Variants in CEACAM3 observed in about 807,000 individuals in gnomAD.
CEACAM3 encodes the protein CEA cell adhesion molecule 3, also known as cell adhesion molecule CEACAM3.
A neutral mutation model predicts 30.1 loss-of-function variants in CEACAM3; 32 were observed. The observed-to-expected ratio is 1.06, with a 90% CI of 0.80 to 1.43. The LOEUF (loss-of-function observed/expected upper bound fraction) is 1.43. Ranked by LOEUF, CEACAM3 falls within the 40% of genes most tolerant of loss-of-function variation. CEACAM3 has a pLI of 0.00. For missense variants in CEACAM3, 290 were observed against 316.3 expected (o/e 0.92, Z 0.63); for synonymous variants, 134 against 127.2 (o/e 1.05, Z -0.36).
intron 4 of CEACAM3, 119 bp from the exon 5 acceptor site, chr19:41,810,204 G>A (rs1440577363): frequency 7.2e-7 from 1 of 1,394,264 alleles, no homozygotes; most frequent in East Asian, 2.4e-5. Context: ...CTGGGTCATG[G>A]GTCACCTCCC....
chr19:41,800,789 C>A (rs1037650418), intron 2 of CEACAM3, among the ~76,000 whole-genome samples: 1 of 152,176 alleles, frequency 6.6e-6, no homozygotes, highest in Non-Finnish European at 1.5e-5. Flanking sequence ...ACACTCTTTA[C>A]CCTCCCCCTT....
chr19:41,810,896 A>C lies in CEACAM3; in HGVS notation c.692A>C (p.Glu231Ala), dbSNP rs782779270. ...PNPRTAASIYEELLKHDTNIY... is the reference protein window; with the variant it reads ...PNPRTAASIYAELLKHDTNIY... Reference sequence around the variant, plus strand: ...CCCAGGACAGCAGCTTCCATCTATGAGGTGAGTGTGGGCCACGGATGTTCT... The same window carrying C: ...CCCAGGACAGCAGCTTCCATCTATGCGGTGAGTGTGGGCCACGGATGTTCT... Residue 231 changes from glutamate to alanine, a missense_variant and splice_region_variant, in exon 6 of 7, where the codon GAG becomes GCG. Transcript: ENST00000357396. 1 of 1,613,376 alleles carries C rather than the reference A, an allele frequency of 6.2e-7. No homozygotes were observed. The highest frequency in any genetic ancestry group is 1.7e-5 in the Admixed American group (1 of 59,842).
At chr19:41,808,055 C>A (rs1458272451) in intron 2 of CEACAM3, among the ~76,000 whole-genome samples, 1 of 152,154 alleles carries the variant, frequency 6.6e-6, no homozygotes, top group African/African-American at 2.4e-5. Context: ...GAGCATAGGC[C>A]CTGAGCCCTG....
At chr19:41,802,604 G>A (rs1555826131) in intron 2 of CEACAM3, among the ~76,000 whole-genome samples, 2 of 152,178 alleles carry the variant, frequency 1.3e-5, no homozygotes, top group Non-Finnish European at 2.9e-5. Context: ...TTGGGGCTGG[G>A]ACAAGGAGGG....
chr19:41,805,311 G>C (rs34080487), intron 2 of CEACAM3, among the ~76,000 whole-genome samples: 1 of 83,356 alleles, frequency 1.2e-5, no homozygotes, highest in Non-Finnish European at 2.3e-5. Flanking sequence ...TTTTTTTTTA[G>C]ATAGAGTTTT....
At chr19:41,804,058 G>C (rs548732560) in intron 2 of CEACAM3, among the ~76,000 whole-genome samples, 1 of 151,156 alleles carries the variant, frequency 6.6e-6, no homozygotes, top group Non-Finnish European at 1.5e-5. Flanking sequence ...TCCAGCCTGG[G>C]CAACAAGAGC....
chr19:41,804,789 T>C (rs2073185162), intron 2 of CEACAM3, among the ~76,000 whole-genome samples: 1 of 152,016 alleles, frequency 6.6e-6, no homozygotes, highest in Admixed American at 6.6e-5. Flanking sequence ...TTTCGACCAT[T>C]AATAATAATT....
chr19:41,799,139 T>C (rs1289694843), intron 2 of CEACAM3, among the ~76,000 whole-genome samples: 1 of 152,210 alleles, frequency 6.6e-6, no homozygotes, highest in African/African-American at 2.4e-5. Context: ...TGGATGTTTA[T>C]CCTCTCCAAA....
Position 41,808,019 on chromosome 19 carries a change from C to T in CEACAM3, c.425-794C>T, listed in dbSNP as rs545488605. Among the ~76,000 whole-genome samples, 6 of 152,340 alleles carry T rather than the reference C, an allele frequency of 3.9e-5. No individual in the cohort carries two copies. The East Asian group carries it at 9.6e-4, about 24-fold the overall frequency. On this transcript the variant is annotated intron_variant, in intron 2 of 6. Coordinates refer to ENST00000357396, the MANE Select transcript of CEACAM3 (RefSeq NM_001815.5). The stretch of plus-strand genomic sequence containing the variant: ...TCAGTACAATCACAGTCAAGACAAT[C>T]ACAGTCTCTGCTAAGTGGATCCCTG...
intron 2 of CEACAM3, among the ~76,000 whole-genome samples, chr19:41,808,439 C>A (rs1308076363): frequency 2.6e-5 from 4 of 152,166 alleles, no homozygotes; most frequent in Non-Finnish European, 5.9e-5. Flanking sequence ...AGTCAATGAA[C>A]ATCATCCCTG....
intron 2 of CEACAM3, among the ~76,000 whole-genome samples, chr19:41,798,858 GA>G (rs199708578): frequency 8.8e-4 from 132 of 150,236 alleles, no homozygotes; most frequent in African/African-American, 2.7e-3. Flanking sequence ...CCTACTTATT[GA>G]AAAAAAAAAT....
chr19:41,805,389 T>C (rs530493133), intron 2 of CEACAM3, among the ~76,000 whole-genome samples: 1 of 150,860 alleles, frequency 6.6e-6, no homozygotes, highest in Admixed American at 6.6e-5. Context: ...CCTCCCAGGT[T>C]CAAGCAATTC....
intron 3 of CEACAM3, 191 bp from the exon 4 acceptor site, chr19:41,809,774 A>G (rs575576896): frequency 4.7e-6 from 3 of 633,470 alleles, no homozygotes; most frequent in Admixed American, 2.4e-5. Flanking sequence ...CCCTCTGCTC[A>G]GGACAGATGT....
intron 2 of CEACAM3, 39 bp from the exon 3 acceptor site, chr19:41,808,774 A>C (rs555305610): frequency 1.3e-6 from 2 of 1,551,514 alleles, no homozygotes; most frequent in Non-Finnish European, 1.8e-6. Context: ...TCTGGGATAG[A>C]CTTGGGCCTC....
chr19:41,800,888 C>T (rs2073140974), intron 2 of CEACAM3, among the ~76,000 whole-genome samples: 2 of 152,092 alleles, frequency 1.3e-5, no homozygotes, highest in Non-Finnish European at 2.9e-5. Flanking sequence ...CCCCCCGGGG[C>T]CCAGCTGTCT....
intron 2 of CEACAM3, among the ~76,000 whole-genome samples, chr19:41,800,321 G>A (rs959374148): frequency 5.3e-5 from 8 of 152,144 alleles, no homozygotes; most frequent in Admixed American, 1.3e-4. Context: ...TGACACTAGC[G>A]CCTGGGAAGA....
At chr19:41,805,285 C>CTTTT (rs782317671) in intron 2 of CEACAM3, among the ~76,000 whole-genome samples, 13 of 105,014 alleles carry the variant, frequency 1.2e-4, no homozygotes, top group East Asian at 5.4e-4. Context: ...CTTTTTTCTT[C>CTTTT]TTTTTTTTTT....
At chr19:41,800,338 T>G (rs1338548574) in intron 2 of CEACAM3, among the ~76,000 whole-genome samples, 4 of 152,128 alleles carry the variant, frequency 2.6e-5, no homozygotes, top group African/African-American at 9.7e-5. Flanking sequence ...AAGACGCCCG[T>G]TGCCAGGCAG....
intron 2 of CEACAM3, among the ~76,000 whole-genome samples, chr19:41,803,150 G>A (rs1481000237): frequency 6.6e-6 from 1 of 152,166 alleles, no homozygotes; most frequent in African/African-American, 2.4e-5. Flanking sequence ...TAGCAGAACG[G>A]GAATTTAAAA....
Sources: gnomAD v4.1 joint callset for allele counts (sites outside exome capture counted in the v4.1 genomes callset) on GRCh38, gnomAD v4.1.1 for gene constraint, MANE v1.5 for transcripts, NCBI Gene and HGNC (gene_info 2026-07-23, HGNC 2026-07-21) for gene names.